Variants in KLHL4 observed in about 807,000 individuals in gnomAD.
KLHL4 encodes the protein kelch-like protein 4.
Under a neutral mutation model 45.8 loss-of-function variants are expected in KLHL4, and 17 were observed. That is an observed-to-expected ratio of 0.37 (90% CI 0.25 to 0.56). The LOEUF is 0.56. Ranked by LOEUF, KLHL4 falls within the 20% of genes least tolerant of loss-of-function variation. The pLI is 0.79. For missense variants in KLHL4, 544 were observed against 544.9 expected, an observed-to-expected ratio of 1.00 and a Z score of 0.02; for synonymous variants, 224 against 189.9, an observed-to-expected ratio of 1.18 and a Z score of -1.47.
At position 87,519,034 on chromosome X, in the gene KLHL4, G is replaced by A. The variant is rs191302459; in HGVS notation, c.422+719G>A. 3.6e-3 allele frequency among the ~76,000 whole-genome samples: 401 copies of A among 111,477 alleles called. 6 individuals carry two copies. In the South Asian group the frequency reaches 0.052, roughly 14 times the overall value. ...TATAGTTCATAAAACATTTGATTTT[G>A]TCTTTACTTTTATGCCCACCGGTAT... On this transcript the variant is annotated intron_variant, in intron 1 of 10. Coordinates refer to ENST00000373119, the MANE Select transcript of KLHL4 (RefSeq NM_019117.5).
At chrX:87,583,262 T>A (rs182986747) in intron 1 of KLHL4, among the ~76,000 whole-genome samples, 2 of 111,818 alleles carry the variant, frequency 1.8e-5, no homozygotes, top group East Asian at 5.7e-4. Context: ...GTTCTCCAAG[T>A]CCCCACTCGA....
intron 8 of KLHL4, 42 bp from the exon 9 acceptor site, chrX:87,635,496 GCATGCATTTTGTGTGTATATGTATA>G: frequency 1.2e-6 from 1 of 820,204 alleles, no homozygotes; most frequent in Non-Finnish European, 1.8e-6. Flanking sequence ...CTCATTCTAT[GCATGCATTTTGTGTGTATATGTATA>G]CACACACATA....
At chrX:87,657,153 A>G (rs923984186) in intron 9 of KLHL4, among the ~76,000 whole-genome samples, 1 of 112,514 alleles carries the variant, frequency 8.9e-6, no homozygotes, top group South Asian at 3.7e-4. Flanking sequence ...ACAGGCCAGT[A>G]CGTGGCACTT....
intron 1 of KLHL4, among the ~76,000 whole-genome samples, chrX:87,562,060 A>T (rs6614692): frequency 0.25 from 26,799 of 107,984 alleles, 2,900 homozygotes; most frequent in East Asian, 0.51. Flanking sequence ...TTCATTTGTG[A>T]CCCAGCACAT....
intron 9 of KLHL4, among the ~76,000 whole-genome samples, chrX:87,661,300 C>T (rs1281564965): frequency 9.0e-6 from 1 of 110,932 alleles, no homozygotes; most frequent in African/African-American, 3.3e-5. Flanking sequence ...ATGTATGAAA[C>T]TATATAAGTT....
At chrX:87,593,578 T>C (rs1196962137) in intron 1 of KLHL4, among the ~76,000 whole-genome samples, 1 of 111,666 alleles carries the variant, frequency 9.0e-6, no homozygotes, top group Non-Finnish European at 1.9e-5. Flanking sequence ...CTGTATTTTC[T>C]ACTTGGTAAG....
intron 1 of KLHL4, among the ~76,000 whole-genome samples, chrX:87,557,512 A>G (rs933326174): frequency 4.5e-5 from 5 of 111,920 alleles, no homozygotes; most frequent in African/African-American, 1.6e-4. Flanking sequence ...GGAATGAAAC[A>G]GTACTCTGAT....
rs1394716679 is a variant in KLHL4 at position 87,625,154 on chromosome X, GAAT to G, written c.1138-452_1138-450del. 2.7e-5 allele frequency among the ~76,000 whole-genome samples: 3 copies of G among 112,774 alleles called. No individual in the cohort carries two copies. In the East Asian group the frequency reaches 8.3e-4, roughly 31 times the overall value. ...TTATATGTGTACATATTCAAAGGAT[GAAT>G]AATGTGTCAATTGAATAAATATGCA... On this transcript the variant is annotated intron_variant, in intron 5 of 10. Transcript: ENST00000373119.
rs1037824337 is a variant in KLHL4 at position 87,668,223 on chromosome X, G to A, written c.*1689G>A. 1.3e-5 allele frequency: 10 copies of A among 751,587 alleles called. No homozygotes were observed. The highest frequency in any genetic ancestry group is 6.8e-5 in the South Asian group (1 of 14,655). 61.9% of individuals were successfully genotyped at this position (751,587 alleles called of 1,213,427 possible). ...AAGTAGAGTTACCTAAACCTTTATCGCCAATGCACAGCTTGGCCTGTTAAG... is the reference window on the plus strand; with the variant it reads ...AAGTAGAGTTACCTAAACCTTTATCACCAATGCACAGCTTGGCCTGTTAAG... On this transcript the variant is annotated 3_prime_UTR_variant, in exon 11 of 11. Transcript: ENST00000373119.
chrX:87,666,570 T>A lies in KLHL4; in HGVS notation c.*36T>A. 1 of 1,149,435 alleles carries A rather than the reference T, an allele frequency of 8.7e-7. No homozygotes were observed. 94.7% of individuals were successfully genotyped at this position (1,149,435 alleles called of 1,213,427 possible). On this transcript the variant is annotated 3_prime_UTR_variant, in exon 11 of 11. Transcript: ENST00000373119. ...CTTTATCAAATGGAATGAAACTAGA[T>A]AATTTCAAGAAACTGAGTAGGACAA...
intron 1 of KLHL4, among the ~76,000 whole-genome samples, chrX:87,602,619 A>C (rs1286729794): frequency 8.9e-6 from 1 of 111,812 alleles, no homozygotes; most frequent in Non-Finnish European, 1.9e-5. Flanking sequence ...AGTAGGTTAT[A>C]TCATGTAGGC....
rs1052057721 is a variant in KLHL4 at position 87,572,921 on chromosome X, A to G, written c.423-40956A>G. 4.0e-4 allele frequency among the ~76,000 whole-genome samples: 44 copies of G among 111,223 alleles called. 1 individual carries two copies. The highest frequency in any genetic ancestry group is 1.3e-3 in the African/African-American group (39 of 30,753). ...AATTGGTTTGCTGACTCATTAAAGTACTGACCATTATGTTATTCAAAGGAC... is the reference window on the plus strand; with the variant it reads ...AATTGGTTTGCTGACTCATTAAAGTGCTGACCATTATGTTATTCAAAGGAC... On this transcript the variant is annotated intron_variant, in intron 1 of 10. Transcript: ENST00000373119.
intron 9 of KLHL4, among the ~76,000 whole-genome samples, chrX:87,646,044 T>G (rs1923619449): frequency 9.0e-6 from 1 of 110,846 alleles, no homozygotes; most frequent in African/African-American, 3.3e-5. Flanking sequence ...CTCCAATAAT[T>G]TATGGAAAAA....
At chrX:87,643,793 T>TA (rs1428775931) in intron 9 of KLHL4, among the ~76,000 whole-genome samples, 2 of 111,498 alleles carry the variant, frequency 1.8e-5, no homozygotes, top group South Asian at 3.7e-4. Flanking sequence ...AAATAATTTT[T>TA]AAAAAATCAC....
chrX:87,639,973 G>T (rs898276953), intron 9 of KLHL4, among the ~76,000 whole-genome samples: 2 of 110,465 alleles, frequency 1.8e-5, no homozygotes, highest in African/African-American at 3.3e-5. Flanking sequence ...AAAAGGAGAA[G>T]ATTCAAATAA....
chrX:87,539,362 C>T (rs1433194755), intron 1 of KLHL4, among the ~76,000 whole-genome samples: 1 of 110,167 alleles, frequency 9.1e-6, no homozygotes, highest in Admixed American at 9.7e-5. Context: ...ATGTTTTTCT[C>T]CCCAGGGTCT....
chrX:87,569,830 G>A (rs901719271), intron 1 of KLHL4, among the ~76,000 whole-genome samples: 7 of 111,468 alleles, frequency 6.3e-5, no homozygotes, highest in African/African-American at 2.3e-4. Context: ...GAGAGATGAA[G>A]GAGGAGTAAC....
chrX:87,554,860 T>C (rs1931932232), intron 1 of KLHL4, among the ~76,000 whole-genome samples: 1 of 102,118 alleles, frequency 9.8e-6, no homozygotes, highest in Non-Finnish European at 2.0e-5. Flanking sequence ...GGGTTTGTCA[T>C]AGATAGCTCT....
intron 1 of KLHL4, among the ~76,000 whole-genome samples, chrX:87,594,298 G>C (rs1047431613): frequency 9.0e-6 from 1 of 111,353 alleles, no homozygotes; most frequent in African/African-American, 3.3e-5. Flanking sequence ...TTATATATTA[G>C]TAGGGAATTT....
Sources: allele counts gnomAD v4.1 joint callset (sites outside exome capture counted in the v4.1 genomes callset), GRCh38; gene constraint gnomAD v4.1.1; transcripts MANE v1.5; gene names NCBI Gene and HGNC (gene_info 2026-07-23, HGNC 2026-07-21).